The following SMIM22 variants were observed in gnomAD, a reference collection of about 807,000 sequenced individuals.
SMIM22 encodes the protein cancer associated small integral membrane open reading frame 1.
A neutral mutation model predicts 8.4 loss-of-function variants in SMIM22; 16 were observed. That is an observed-to-expected ratio of 1.90 (90% CI 1.29 to 2.89). SMIM22 has a LOEUF of 2.89. SMIM22 is among the 30% of genes most tolerant of loss of function. SMIM22 has a pLI of 0.00. For missense variants in SMIM22, 159 were observed against 107.5 expected, an observed-to-expected ratio of 1.48 and a Z score of -2.12; for synonymous variants, 67 against 47.6, an observed-to-expected ratio of 1.41 and a Z score of -1.68.
intron 1 of SMIM22, 125 bp downstream of exon 1, chr16:4,795,574 G>A (rs145940844): frequency 0.014 from 15,154 of 1,054,282 alleles, 145 homozygotes; most frequent in Non-Finnish European, 0.017. Flanking sequence ...GCCTGGGGCC[G>A]AGGGAGAAGT....
At chr16:4,793,251 T>C (rs1377222155), upstream of SMIM22, among the ~76,000 whole-genome samples, 1 of 151,884 alleles carries the variant, frequency 6.6e-6, no homozygotes, top group African/African-American at 2.4e-5. Flanking sequence ...AGGCAAAAGA[T>C]GGACTCTGCC....
At position 4,795,873 on chromosome 16, in the gene SMIM22, G is replaced by C; in HGVS notation, c.124+15G>C. 6.5e-7 allele frequency: 1 copy of C among 1,535,452 alleles called. No homozygotes were observed. Among genetic ancestry groups the C allele is most frequent in the South Asian group, 1.2e-5 (1 of 84,020 alleles). On this transcript the variant is annotated intron_variant, in intron 2 of 3. Coordinates refer to ENST00000586005, the MANE Select transcript of SMIM22 (RefSeq NM_001253794.2). ...CACCTTCATGGGTAAGTGTGGCTGTGGCCTCTGGGTCCTCCCAGCCCCCTG... is the reference window on the plus strand; with the variant it reads ...CACCTTCATGGGTAAGTGTGGCTGTCGCCTCTGGGTCCTCCCAGCCCCCTG...
chr16:4,791,853 A>C (rs2082555939), upstream of SMIM22, among the ~76,000 whole-genome samples: 1 of 151,808 alleles, frequency 6.6e-6, no homozygotes, highest in Non-Finnish European at 1.5e-5. Context: ...ACGCCCGGCT[A>C]ATTTTTGTAT....
chr16:4,790,913 T>G (rs1596265027), upstream of SMIM22, among the ~76,000 whole-genome samples: 1 of 152,224 alleles, frequency 6.6e-6, no homozygotes, highest in East Asian at 1.9e-4. Flanking sequence ...CACAGTTTGT[T>G]GTCCAAGGTG....
chr16:4,796,212 A>T lies in SMIM22; in HGVS notation c.248A>T (p.Asn83Ile). The T allele has an allele frequency of 6.5e-7, 1 of 1,535,954 alleles. No individual in the cohort carries two copies. The highest frequency in any genetic ancestry group is 8.7e-7 in the Non-Finnish European group (1 of 1,146,850). ...PWKERPKGVD[N>I]LALEP Reference sequence around the variant, plus strand: ...CAGGAAAGACCCAAGGGAGTGGATAACTTGGCCCTGGAACCCTGACCCTGT... The same window carrying T: ...CAGGAAAGACCCAAGGGAGTGGATATCTTGGCCCTGGAACCCTGACCCTGT... Residue 83 changes from asparagine to isoleucine, a missense_variant, in exon 4 of 4, where the codon AAC becomes ATC. By Grantham distance (149) the Asn-to-Ile change is moderately radical. Coordinates refer to ENST00000586005, the MANE Select transcript of SMIM22 (RefSeq NM_001253794.2).
At position 4,796,197 on chromosome 16, in the gene SMIM22, C is replaced by T. The variant is rs1286517513; in HGVS notation, c.233C>T (p.Pro78Leu). 1 of 1,535,856 alleles carries T rather than the reference C, an allele frequency of 6.5e-7. No homozygotes were observed. Among genetic ancestry groups the T allele is most frequent in the East Asian group, 2.4e-5 (1 of 40,930 alleles). Reference sequence around the variant, plus strand: ...GCTGTGCTTCTCGTGCAGGAAAGACCCAAGGGAGTGGATAACTTGGCCCTG... The same window carrying T: ...GCTGTGCTTCTCGTGCAGGAAAGACTCAAGGGAGTGGATAACTTGGCCCTG... Reference protein sequence around the residue: ...PRKVSPWKERPKGVDNLALEP With the variant: ...PRKVSPWKERLKGVDNLALEP The change falls in exon 4 of 4, where the codon CCC becomes CTC. Residue 78 changes from proline (P) to leucine (L), a missense_variant. Physicochemically the swap from Pro to Leu is moderately conservative, Grantham distance 98 (BLOSUM62 -3). Coordinates refer to ENST00000586005, the MANE Select transcript of SMIM22 (RefSeq NM_001253794.2).
In SMIM22 at chr16:4,796,330, G is replaced by A; in HGVS notation, c.*99G>A. On this transcript the variant is annotated 3_prime_UTR_variant, in exon 4 of 4. Coordinates refer to ENST00000586005, the MANE Select transcript of SMIM22 (RefSeq NM_001253794.2). ...GTCCCCGTCTGGGTGGGTGACGCGG[G>A]ACTCGCCGCCCCACTCAGGTGGCCA... is the stretch of plus-strand genomic sequence containing the variant. 7.1e-7 allele frequency: 1 copy of A among 1,415,676 alleles called. No homozygotes were observed. Among genetic ancestry groups the A allele is most frequent in the Non-Finnish European group, 9.5e-7 (1 of 1,053,768 alleles). The allele number at this position is 1,415,676 out of a possible 1,614,324, so 87.7% of individuals were successfully genotyped here. A position where few individuals can be genotyped will look rare whatever the true frequency, so the allele number is the denominator to read the frequency against.
intron 2 of SMIM22, among the ~76,000 whole-genome samples, chr16:4,790,329 C>T (rs1179567601): frequency 1.3e-5 from 2 of 152,138 alleles, no homozygotes; most frequent in African/African-American, 2.4e-5. Flanking sequence ...AACAGATGGG[C>T]GTGGCTGTGT....
chr16:4,789,461 G>C (rs1039337874), intron 2 of SMIM22, among the ~76,000 whole-genome samples: 1 of 152,070 alleles, frequency 6.6e-6, no homozygotes, highest in Admixed American at 6.6e-5. Flanking sequence ...GAGTAGCTGG[G>C]ACTACAGGCG....
At chr16:4,791,192 G>A (rs2082545519), upstream of SMIM22, among the ~76,000 whole-genome samples, 1 of 152,208 alleles carries the variant, frequency 6.6e-6, no homozygotes, top group South Asian at 2.1e-4. Flanking sequence ...AGCCTCACTG[G>A]GTGCCAGTAG....
upstream of SMIM22, among the ~76,000 whole-genome samples, chr16:4,792,315 C>T (rs571933668): frequency 1.3e-5 from 2 of 151,664 alleles, no homozygotes; most frequent in Non-Finnish European, 2.9e-5. Context: ...CTCAGCCTCC[C>T]GAGTAGCTGG....
chr16:4,789,482 C>T (rs561668857), intron 2 of SMIM22, among the ~76,000 whole-genome samples: 8 of 151,970 alleles, frequency 5.3e-5, no homozygotes, highest in South Asian at 4.2e-4. Flanking sequence ...CCTGCCACCA[C>T]GCCCGGCTAA....
rs1216334953 is a variant in SMIM22 at position 4,795,984 on chromosome 16, A to ACTG, written c.172_174dup (p.Cys58dup). On this transcript the variant is annotated inframe_insertion, in exon 3 of 4. Coordinates refer to ENST00000586005, the MANE Select transcript of SMIM22 (RefSeq NM_001253794.2). ...CTCCTGCTGCTGCTGGTCGTCGCCC[A>ACTG]CTGCTGCTGCTGCAGCTCCCCCGGG... 9 of 1,506,268 alleles carry ACTG rather than the reference A, an allele frequency of 6.0e-6. No individual in the cohort carries two copies. Among genetic ancestry groups the ACTG allele is most frequent in the African/African-American group, 5.5e-5 (4 of 72,426 alleles). The allele number at this position is 1,506,268 out of a possible 1,614,324, so 93.3% of individuals were successfully genotyped here.
upstream of SMIM22, chr16:4,795,312 C>G (rs1338889713): frequency 5.2e-6 from 1 of 194,050 alleles, no homozygotes; most frequent in African/African-American, 2.4e-5. Context: ...GCCCTCTCCC[C>G]TGGGCTGGGC....
chr16:4,792,144 C>T (rs2082559957), upstream of SMIM22, among the ~76,000 whole-genome samples: 1 of 152,126 alleles, frequency 6.6e-6, no homozygotes, highest in African/African-American at 2.4e-5. Flanking sequence ...GCCTCCTGCC[C>T]ACCCAGCCAG....
chr16:4,790,165 C>T (rs1360993144), intron 2 of SMIM22: 4 of 152,148 alleles, frequency 2.6e-5, no homozygotes, highest in Non-Finnish European at 5.9e-5. Flanking sequence ...CCAGCTGCCT[C>T]AGCCTCCCAA....
intron 1 of SMIM22, 97 bp from the exon 2 acceptor site, chr16:4,795,618 C>T (rs898194569): frequency 7.1e-6 from 10 of 1,417,064 alleles, no homozygotes; most frequent in Non-Finnish European, 8.4e-6. Flanking sequence ...TGGCGCTGGG[C>T]CAGGAGCGGG....
chr16:4,790,052 C>G (rs2082527795), intron 2 of SMIM22: 1 of 151,854 alleles, frequency 6.6e-6, no homozygotes, highest in Non-Finnish European at 1.5e-5. Context: ...GTAGCTGGGA[C>G]TTCAGGTACG....
At chr16:4,789,569 G>A (rs1426998170) in intron 2 of SMIM22, among the ~76,000 whole-genome samples, 1 of 152,070 alleles carries the variant, frequency 6.6e-6, no homozygotes, top group African/African-American at 2.4e-5. Context: ...CTCGTGATCT[G>A]CCCTCCTCGG....
Sources: allele counts gnomAD v4.1 joint callset (sites outside exome capture counted in the v4.1 genomes callset), GRCh38; gene constraint gnomAD v4.1.1; transcripts MANE v1.5; gene names NCBI Gene and HGNC (gene_info 2026-07-23, HGNC 2026-07-21).